Variants in STAG2 observed in about 807,000 individuals in gnomAD.
STAG2 encodes the protein STAG2 cohesin complex component, also known as cohesin subunit SA-2.
A neutral mutation model predicts 108.1 loss-of-function variants in STAG2; 14 were observed. The observed-to-expected ratio is 0.13, with a 90% CI of 0.09 to 0.20. The LOEUF is 0.20. Among genes scored for constraint, STAG2 ranks in the 10% least tolerant of loss-of-function variants. STAG2 has a pLI of 1.00. For synonymous variants in STAG2, 307 were observed against 302.7 expected (o/e 1.01, Z -0.15); for missense variants, 440 against 940.9 (o/e 0.47, Z 6.96).
chrX:124,028,853 C>T (rs1447943864), intron 4 of STAG2, among the ~76,000 whole-genome samples: 1 of 98,216 alleles, frequency 1.0e-5, no homozygotes, highest in Non-Finnish European at 2.0e-5. Context: ...GGGTCTCGCT[C>T]TGTTGACCAG....
chrX:124,061,841 T>G lies in STAG2; in HGVS notation c.1605T>G (p.Cys535Trp). ...MLCTIRQAAE[C>W]HPPVGRGTGK... is the part of the protein sequence containing the mutation. ...GTACCATTAGACAAGCGGCTGAATG[T>G]CATCCTCCCGTGGGAAGAGGGACAG... The change falls in exon 17 of 35, where the codon TGT becomes TGG. Residue 535 changes from cysteine to tryptophan, a missense_variant. This residue lies in a region of STAG2 where 337 missense variants were observed against 649.3 expected (regional missense o/e 0.52). Transcript: ENST00000371145. The G allele has an allele frequency of 8.4e-7, 1 of 1,195,539 alleles. No individual in the cohort carries two copies. Among genetic ancestry groups the G allele is most frequent in the Non-Finnish European group, 1.1e-6 (1 of 887,397 alleles).
intron 1 of STAG2, among the ~76,000 whole-genome samples, chrX:124,013,324 A>ACAC (rs2056588284): frequency 1.9e-5 from 2 of 103,660 alleles, no homozygotes; most frequent in Admixed American, 2.1e-4. Flanking sequence ...CACACACACA[A>ACAC]ACACACACAC....
At chrX:124,050,005 A>C (rs1405746325) in intron 10 of STAG2, among the ~76,000 whole-genome samples, 181 bp from the exon 11 acceptor site, 1 of 112,141 alleles carries the variant, frequency 8.9e-6, no homozygotes, top group Non-Finnish European at 1.9e-5. Flanking sequence ...GTTGATAATT[A>C]TGCTTTGCCA....
intron 1 of STAG2, among the ~76,000 whole-genome samples, chrX:124,017,551 A>G (rs750084585): frequency 6.3e-5 from 7 of 111,044 alleles, no homozygotes; most frequent in Middle Eastern, 4.6e-3. Context: ...TTTTGGGGGG[A>G]AAAAAATTAA....
chrX:124,009,964 G>A (rs2056465198), intron 1 of STAG2, among the ~76,000 whole-genome samples: 1 of 109,607 alleles, frequency 9.1e-6, no homozygotes, highest in African/African-American at 3.3e-5. Context: ...TCAATGATTA[G>A]TGTCTTAATT....
chrX:124,040,856 T>C (rs868061183), intron 6 of STAG2, among the ~76,000 whole-genome samples: 29 of 88,005 alleles, frequency 3.3e-4, no homozygotes, highest in East Asian at 1.8e-3. Context: ...TCTTCTCTCT[T>C]TTTTTTTTTT....
chrX:124,095,118 C>G (rs760964586), intron 33 of STAG2, among the ~76,000 whole-genome samples: 15 of 111,308 alleles, frequency 1.3e-4, no homozygotes, highest in African/African-American at 4.9e-4. Flanking sequence ...TAGTAGAGGC[C>G]GGGTTTCACC....
chrX:124,032,003 T>TA (rs1255460676), intron 5 of STAG2, among the ~76,000 whole-genome samples: 1 of 111,976 alleles, frequency 8.9e-6, no homozygotes, highest in African/African-American at 3.2e-5. Context: ...GTGCTGGGAT[T>TA]ACAGGCGTGA....
At chrX:123,986,152 G>A (rs995619650) in intron 1 of STAG2, among the ~76,000 whole-genome samples, 2 of 104,444 alleles carry the variant, frequency 1.9e-5, no homozygotes, top group African/African-American at 6.9e-5. Context: ...ATGTATATAT[G>A]ATATATATGA....
At chrX:124,087,708 C>T (rs2059140756) in intron 30 of STAG2, among the ~76,000 whole-genome samples, 1 of 112,440 alleles carries the variant, frequency 8.9e-6, no homozygotes, top group African/African-American at 3.2e-5. Context: ...ATTCTATTGG[C>T]CAAGCAATCA....
intron 5 of STAG2, among the ~76,000 whole-genome samples, chrX:124,031,794 G>A (rs905904272): frequency 2.9e-5 from 3 of 101,736 alleles, no homozygotes; most frequent in Non-Finnish European, 6.0e-5. Flanking sequence ...GCAGTGGCAC[G>A]ATCTCTGCTC....
intron 15 of STAG2, 119 bp from the exon 16 acceptor site, chrX:124,061,105 C>T (rs903610278): frequency 2.4e-5 from 11 of 450,364 alleles, no homozygotes; most frequent in Admixed American, 1.7e-4. Context: ...ATCTATTTGA[C>T]GTCAAAAAAT....
intron 34 of STAG2, among the ~76,000 whole-genome samples, chrX:124,099,377 G>A (rs2059457841): frequency 9.0e-6 from 1 of 110,884 alleles, no homozygotes; most frequent in Non-Finnish European, 1.9e-5. Context: ...ACATTATCTC[G>A]GTCTTTTTGG....
At chrX:123,969,530 C>T (rs760204286) in intron 1 of STAG2, among the ~76,000 whole-genome samples, 2 of 111,282 alleles carry the variant, frequency 1.8e-5, no homozygotes, top group South Asian at 7.5e-4. Flanking sequence ...TATTTTAGTT[C>T]ATCTTTCACT....
chrX:124,008,889 AT>A (rs765073397), intron 1 of STAG2, among the ~76,000 whole-genome samples: 19 of 110,011 alleles, frequency 1.7e-4, no homozygotes, highest in East Asian at 8.5e-4. Flanking sequence ...ATTATAACAC[AT>A]TTTTTTTTGA....
intron 13 of STAG2, among the ~76,000 whole-genome samples, chrX:124,052,995 T>C (rs1400421877): frequency 1.8e-5 from 2 of 110,513 alleles, no homozygotes; most frequent in Non-Finnish European, 3.8e-5. Flanking sequence ...TTTTGTATTT[T>C]TAGTAGAGAC....
chrX:123,987,263 T>C (rs961906224), intron 1 of STAG2, among the ~76,000 whole-genome samples: 6 of 110,512 alleles, frequency 5.4e-5, no homozygotes, highest in Admixed American at 3.9e-4. Flanking sequence ...GTGCTGGGAT[T>C]ACAGGCGTGA....
Position 123,976,198 on chromosome X carries a change from C to G in STAG2, c.-163+14342C>G, listed in dbSNP as rs141818543. ...CTGAGATGGGAGGATTACTTGAGCCCAGGAGGTTGAGGCTGCAGTGAGCCA... is the reference window on the plus strand; with the variant it reads ...CTGAGATGGGAGGATTACTTGAGCCGAGGAGGTTGAGGCTGCAGTGAGCCA... On this transcript the variant is annotated intron_variant, in intron 1 of 34. Coordinates refer to ENST00000371145, the MANE Select transcript of STAG2 (RefSeq NM_001042750.2). 6.3e-3 allele frequency among the ~76,000 whole-genome samples: 702 copies of G among 111,596 alleles called. 10 individuals carry two copies. The highest frequency in any genetic ancestry group is 0.022 in the African/African-American group (672 of 30,715).
intron 30 of STAG2, among the ~76,000 whole-genome samples, chrX:124,089,572 C>T (rs762239452): frequency 9.0e-6 from 1 of 111,067 alleles, no homozygotes; most frequent in Non-Finnish European, 1.9e-5. Context: ...CACAATTAGC[C>T]TTTTAACTGG....
Sources: allele counts gnomAD v4.1 joint callset (sites outside exome capture counted in the v4.1 genomes callset), GRCh38; gene constraint gnomAD v4.1.1; regional missense constraint gnomAD v4.1.1; transcripts MANE v1.5; gene names NCBI Gene and HGNC (gene_info 2026-07-23, HGNC 2026-07-21).